Variants in RTN4 observed in about 807,000 individuals in gnomAD.
RTN4 encodes the protein reticulon-4.
A neutral mutation model predicts 90.4 loss-of-function variants in RTN4; 32 were observed. The ratio of observed to expected loss-of-function variants is 0.35; its 90% confidence interval spans 0.27 to 0.48. The LOEUF (loss-of-function observed/expected upper bound fraction) is 0.48. Among genes scored for constraint, RTN4 ranks in the 20% least tolerant of loss-of-function variants. The pLI, the probability that RTN4 is intolerant of heterozygous loss-of-function variation, is 0.99. For missense variants in RTN4, 1,706 were observed against 1,430.2 expected (o/e 1.19, Z -3.11); for synonymous variants, 629 against 552.5 (o/e 1.14, Z -1.94).
In RTN4 at chr2:54,973,095, C is replaced by A; in HGVS notation, c.*61G>T. ...AGGTTCGTTCTTCCCTGACCCTCCC[C>A]CGTATAATCAAATGAATATCCCCTT... On this transcript the variant is annotated 3_prime_UTR_variant, in exon 9 of 9. Transcript: ENST00000337526. 1 of 1,399,056 alleles carries A rather than the reference C, an allele frequency of 7.1e-7. No individual in the cohort carries two copies. The highest frequency in any genetic ancestry group is 1.4e-5 in the African/African-American group (1 of 71,026). The allele number at this position is 1,399,056 out of a possible 1,614,324, so 86.7% of individuals were successfully genotyped here.
At chr2:55,087,686 A>G (rs970140890) in intron 1 of RTN4, among the ~76,000 whole-genome samples, 6 of 152,000 alleles carry the variant, frequency 3.9e-5, no homozygotes, top group Admixed American at 3.9e-4. Flanking sequence ...CATCTGTGAG[A>G]CTATCTCAAG....
At chr2:55,130,115 T>C in the RTN4 span, among the ~76,000 whole-genome samples, 1 of 152,196 alleles carries the variant, frequency 6.6e-6, no homozygotes, top group South Asian at 2.1e-4. Flanking sequence ...TGTCCTCTAG[T>C]AAAGGCATGG....
chr2:55,036,785 T>C (rs183141066), intron 1 of RTN4, among the ~76,000 whole-genome samples: 1 of 152,108 alleles, frequency 6.6e-6, no homozygotes, highest in Non-Finnish European at 1.5e-5. Context: ...AAACTAGGAA[T>C]AGAAGGAAGC....
chr2:55,008,537 C>T (rs540672772), intron 3 of RTN4, among the ~76,000 whole-genome samples: 1 of 152,156 alleles, frequency 6.6e-6, no homozygotes, highest in Admixed American at 6.5e-5. Context: ...CAGACAGGTA[C>T]TAAAAAATAT....
chr2:55,018,398 A>G (rs749906958), intron 3 of RTN4, among the ~76,000 whole-genome samples: 1 of 152,194 alleles, frequency 6.6e-6, no homozygotes, highest in Non-Finnish European at 1.5e-5. Flanking sequence ...TCAGTGGGAG[A>G]AGGACGCAGG....
At chr2:55,126,432 A>G in the RTN4 span, among the ~76,000 whole-genome samples, 41 of 152,294 alleles carry the variant, frequency 2.7e-4, no homozygotes, top group African/African-American at 7.7e-4. Flanking sequence ...AGAAAGCTCA[A>G]TATCACTGAT....
intron 3 of RTN4, among the ~76,000 whole-genome samples, chr2:54,997,987 C>T (rs1249180516): frequency 6.6e-6 from 1 of 152,134 alleles, no homozygotes; most frequent in Admixed American, 6.5e-5. Flanking sequence ...GTCTTAGAGT[C>T]TTACCCCTCA....
chr2:55,061,031 G>A (rs540520721), intron 2 of RTN4, among the ~76,000 whole-genome samples: 5 of 150,732 alleles, frequency 3.3e-5, no homozygotes, highest in Admixed American at 6.6e-5. Flanking sequence ...GACATTCTTC[G>A]TCTAAATTTT....
Position 55,050,169 on chromosome 2 carries a change from G to C in RTN4, c.132C>G (p.Asp44Glu), listed in dbSNP as rs764970123. The stretch of plus-strand genomic sequence containing the variant: ...CCAGCTCCTCCAGGTCTTCGTCCTC[G>C]TCCTCCTCTTCCTCCTCCTCTTCTT... ...EEEEEEEEEE[D>E]EDEDLEELEV... The change falls in exon 1 of 9, where the codon GAC becomes GAG. Residue 44 changes from aspartate (D) to glutamate (E), a missense_variant. Physicochemically the swap from Asp to Glu is conservative, Grantham distance 45. Coordinates refer to ENST00000337526, the MANE Select transcript of RTN4 (RefSeq NM_020532.5). This position sits in a 1 kb window ranked among gnomAD's most constrained non-coding sequence, Gnocchi z 4.6. 6 of 1,566,172 alleles carry C rather than the reference G, an allele frequency of 3.8e-6. No homozygotes were observed. Among genetic ancestry groups the C allele is most frequent in the Non-Finnish European group, 4.3e-6 (5 of 1,162,718 alleles).
intron 2 of RTN4, among the ~76,000 whole-genome samples, chr2:55,078,058 A>G (rs1339201634): frequency 6.6e-6 from 1 of 152,046 alleles, no homozygotes; most frequent in Non-Finnish European, 1.5e-5. Context: ...GGGATAAAAG[A>G]CTACGCATTG....
At chr2:55,050,995 T>A (rs1668076327), upstream of RTN4, among the ~76,000 whole-genome samples, 2 of 152,138 alleles carry the variant, frequency 1.3e-5, no homozygotes, top group African/African-American at 4.8e-5. This position sits in a 1 kb window ranked among gnomAD's most constrained non-coding sequence, Gnocchi z 4.6. Flanking sequence ...GACTGGGAAG[T>A]GGGCCCTAAG....
chr2:55,072,173 G>A (rs1283258861), intron 2 of RTN4, among the ~76,000 whole-genome samples: 1 of 150,618 alleles, frequency 6.6e-6, no homozygotes, highest in Non-Finnish European at 1.5e-5. Flanking sequence ...AAAAAAATAT[G>A]TAAAACTGGA....
At chr2:55,006,688 AAAG>A (rs1484917289) in intron 3 of RTN4, among the ~76,000 whole-genome samples, 1 of 152,144 alleles carries the variant, frequency 6.6e-6, no homozygotes, top group African/African-American at 2.4e-5. Context: ...CTGTAACAAT[AAAG>A]AACAGTGTTG....
chr2:54,973,496 A>AAAAT, intron 8 of RTN4, 67 bp downstream of exon 8: 1 of 1,257,294 alleles, frequency 8.0e-7, no homozygotes, highest in Non-Finnish European at 1.2e-6. Context: ...CTGCAATATG[A>AAAAT]AAATACTGTT....
chr2:55,102,208 A>G (rs918330853), intron 1 of RTN4, among the ~76,000 whole-genome samples: 1 of 152,142 alleles, frequency 6.6e-6, no homozygotes, highest in African/African-American at 2.4e-5. Flanking sequence ...GGGGAAAGGG[A>G]AGGAGGGATC....
intron 1 of RTN4, among the ~76,000 whole-genome samples, chr2:55,107,572 C>T (rs145296883): frequency 1.2e-4 from 18 of 152,016 alleles, no homozygotes; most frequent in Non-Finnish European, 2.2e-4. Context: ...GGCTAGGAAT[C>T]CAAAGAAGCT....
At chr2:55,037,212 C>A (rs895289389) in intron 1 of RTN4, among the ~76,000 whole-genome samples, 3 of 152,112 alleles carry the variant, frequency 2.0e-5, no homozygotes, top group African/African-American at 7.2e-5. Flanking sequence ...AAACACACTG[C>A]TGAGAGAAAT....
chr2:55,055,986 TTGTGTG>T (rs35396348), intron 2 of RTN4, among the ~76,000 whole-genome samples: 110 of 148,084 alleles, frequency 7.4e-4, no homozygotes, highest in African/African-American at 2.2e-3. Flanking sequence ...ATATATGTGT[TTGTGTG>T]TGTGTGTGTG....
chr2:54,989,170 T>C (rs1158144807), intron 3 of RTN4, among the ~76,000 whole-genome samples: 51 of 152,200 alleles, frequency 3.4e-4, no homozygotes, highest in Admixed American at 3.3e-3. Context: ...TACAAAGCCC[T>C]TAACTGCTGC....
Sources: gnomAD v4.1 joint callset for allele counts (sites outside exome capture counted in the v4.1 genomes callset) on GRCh38, gnomAD v4.1.1 for gene constraint, Gnocchi (gnomAD v3.1) non-coding constraint, MANE v1.5 for transcripts, NCBI Gene and HGNC (gene_info 2026-07-23, HGNC 2026-07-21) for gene names.